Variants in LRP1B observed in about 807,000 individuals in gnomAD.
LRP1B encodes LDL receptor related protein 1B.
LRP1B carries 217 observed loss-of-function variants against 556.6 expected under a neutral mutation model. The observed-to-expected ratio is 0.39, with a 90% CI of 0.35 to 0.44. LRP1B has a LOEUF of 0.44. Ranked by LOEUF, LRP1B falls within the 20% of genes least tolerant of loss-of-function variation. LRP1B has a pLI of 1.00. For missense variants in LRP1B, 5,053 were observed against 5,620.8 expected (o/e 0.90, Z 3.23); for synonymous variants, 2,047 against 1,865.8 (o/e 1.10, Z -2.50).
chr2:140,896,941 C>T (rs1031571501), intron 23 of LRP1B, among the ~76,000 whole-genome samples: 6 of 152,050 alleles, frequency 3.9e-5, no homozygotes, highest in African/African-American at 1.4e-4. Flanking sequence ...TTTTAAAGTC[C>T]AGTAGTAACT....
At chr2:140,558,485 A>G (rs1680813746) in intron 43 of LRP1B, among the ~76,000 whole-genome samples, 1 of 152,170 alleles carries the variant, frequency 6.6e-6, no homozygotes. Flanking sequence ...CAATTAAAGA[A>G]GCTAATCAGA....
chr2:141,307,954 G>GGTGGCTGTGATGGGCTGGGTAAGCC (rs1274260902), intron 3 of LRP1B, among the ~76,000 whole-genome samples: 15 of 152,126 alleles, frequency 9.9e-5, no homozygotes, highest in Non-Finnish European at 1.5e-5. Flanking sequence ...TGGTGTTGGT[G>GGTGGCTGTGATGGGCTGGGTAAGCC]GTGGCTGTGA....
At chr2:140,378,817 G>T (rs1202341987) in intron 67 of LRP1B, among the ~76,000 whole-genome samples, 1 of 152,104 alleles carries the variant, frequency 6.6e-6, no homozygotes, top group African/African-American at 2.4e-5. Flanking sequence ...AGTATATAGG[G>T]ATAATATTAC....
At chr2:141,107,336 A>C (rs550740596) in intron 7 of LRP1B, among the ~76,000 whole-genome samples, 2 of 152,078 alleles carry the variant, frequency 1.3e-5, no homozygotes, top group African/African-American at 4.8e-5. Context: ...TTGAAAGATA[A>C]ATTAAAAAAA....
intron 7 of LRP1B, among the ~76,000 whole-genome samples, chr2:141,187,568 T>C (rs1681313714): frequency 1.3e-5 from 2 of 152,070 alleles, no homozygotes; most frequent in East Asian, 1.9e-4. Flanking sequence ...TGGTACACTA[T>C]GTGGTTAATT....
rs1275688863 is a variant in LRP1B at position 140,517,025 on chromosome 2, T to C, written c.8027-14A>G. ...GTTTGTTTTGAACTGTGATAAAATA[T>C]GGAATGTCAAACAATTTCATTTTAG... is the stretch of plus-strand genomic sequence containing the variant. On this transcript the variant is annotated splice_polypyrimidine_tract_variant and intron_variant, in intron 49 of 90. Coordinates refer to ENST00000389484, the MANE Select transcript of LRP1B (RefSeq NM_018557.3). The C allele has an allele frequency of 1.9e-6, 3 of 1,550,750 alleles. No individual in the cohort carries two copies. Among genetic ancestry groups the C allele is most frequent in the Non-Finnish European group, 8.9e-7 (1 of 1,123,060 alleles).
At chr2:141,993,975 T>C (rs1490550165) in intron 1 of LRP1B, among the ~76,000 whole-genome samples, 1 of 152,188 alleles carries the variant, frequency 6.6e-6, no homozygotes. Flanking sequence ...AATTGTCATG[T>C]TTTCCCATTT....
intron 3 of LRP1B, among the ~76,000 whole-genome samples, chr2:141,459,013 C>A (rs373515337): frequency 6.6e-6 from 1 of 152,164 alleles, no homozygotes; most frequent in East Asian, 1.9e-4. Flanking sequence ...CTAAAACAGA[C>A]AAAATGGCAG....
At chr2:141,100,890 C>A (rs182674513) in intron 7 of LRP1B, among the ~76,000 whole-genome samples, 1 of 152,046 alleles carries the variant, frequency 6.6e-6, no homozygotes, top group Non-Finnish European at 1.5e-5. Flanking sequence ...CATGGAGAAC[C>A]CCCCATCTAA....
intron 3 of LRP1B, among the ~76,000 whole-genome samples, chr2:141,308,436 A>AT (rs1383489269): frequency 6.6e-6 from 1 of 152,220 alleles, no homozygotes; most frequent in Non-Finnish European, 1.5e-5. Context: ...AACAAAAGTT[A>AT]TCAGAAAAAC....
intron 1 of LRP1B, among the ~76,000 whole-genome samples, chr2:141,883,289 A>G (rs1699012980): frequency 6.6e-6 from 1 of 152,184 alleles, no homozygotes; most frequent in African/African-American, 2.4e-5. Context: ...TTATAATAGC[A>G]CTACAAGCAA....
chr2:141,937,176 T>A (rs1700657990), intron 1 of LRP1B, among the ~76,000 whole-genome samples: 1 of 151,676 alleles, frequency 6.6e-6, no homozygotes, highest in Non-Finnish European at 1.5e-5. Context: ...GATCATGAAG[T>A]CAGGAGATTG....
chr2:141,257,338 A>G (rs1461067965), intron 3 of LRP1B, among the ~76,000 whole-genome samples: 1 of 152,180 alleles, frequency 6.6e-6, no homozygotes, highest in African/African-American at 2.4e-5. Context: ...ACCTTAATGC[A>G]GGTGTATTCA....
At chr2:140,308,616 TTATACCTAACTAGTTTTATG>T (rs1684164165) in intron 83 of LRP1B, among the ~76,000 whole-genome samples, 1 of 151,778 alleles carries the variant, frequency 6.6e-6, no homozygotes, top group African/African-American at 2.4e-5. Flanking sequence ...GTATGATGTT[TTATACCTAACTAGTTTTATG>T]TATATCTAAC....
intron 2 of LRP1B, among the ~76,000 whole-genome samples, chr2:141,533,642 T>G (rs12052672): frequency 0.25 from 38,094 of 152,162 alleles, 4,935 homozygotes; most frequent in South Asian, 0.42. Flanking sequence ...ACCATTAACT[T>G]ATACTGTCAC....
At chr2:141,130,553 A>G (rs1432568734) in intron 7 of LRP1B, among the ~76,000 whole-genome samples, 1 of 152,082 alleles carries the variant, frequency 6.6e-6, no homozygotes, top group Non-Finnish European at 1.5e-5. Context: ...AGATGTGTAA[A>G]TTTTACCCCA....
chr2:140,867,934 T>C, intron 26 of LRP1B, 100 bp from the exon 27 acceptor site: 1 of 1,344,386 alleles, frequency 7.4e-7, no homozygotes, highest in Non-Finnish European at 9.9e-7. Context: ...AGGTATTTTA[T>C]AAATATTTTT....
intron 21 of LRP1B, among the ~76,000 whole-genome samples, chr2:140,909,441 C>G (rs972113992): frequency 1.3e-5 from 2 of 151,652 alleles, no homozygotes; most frequent in Non-Finnish European, 2.9e-5. Context: ...ATTCTTCACA[C>G]TATTATGTCA....
chr2:141,357,693 C>A (rs1437436319), intron 3 of LRP1B, among the ~76,000 whole-genome samples: 1 of 151,958 alleles, frequency 6.6e-6, no homozygotes, highest in Non-Finnish European at 1.5e-5. Context: ...ATCCCACAGA[C>A]AATGAATGAG....
Sources: allele counts gnomAD v4.1 joint callset (sites outside exome capture counted in the v4.1 genomes callset), GRCh38; gene constraint gnomAD v4.1.1; transcripts MANE v1.5; gene names NCBI Gene and HGNC (gene_info 2026-07-23, HGNC 2026-07-21).